Variants in IFT52 observed in about 807,000 individuals in gnomAD.
IFT52 encodes the protein intraflagellar transport protein 52 homolog.
Under a neutral mutation model 54.4 loss-of-function variants are expected in IFT52, and 44 were observed. The observed-to-expected ratio is 0.81, with a 90% confidence interval of 0.63 to 1.04. IFT52 has a LOEUF of 1.04. Ranked by LOEUF, IFT52 falls within the 50% of genes least tolerant of loss-of-function variation. The pLI, the probability that IFT52 is intolerant of heterozygous loss-of-function variation, is 0.00. For synonymous variants in IFT52, 181 were observed against 185.3 expected, an observed-to-expected ratio of 0.98 and a Z score of 0.19; for missense variants, 452 against 523.6, an observed-to-expected ratio of 0.86 and a Z score of 1.33.
rs949383853 is a variant in IFT52 at position 43,620,913 on chromosome 20, T to C, written c.756T>C (p.Ala252=). 4 of 1,612,050 alleles carry C rather than the reference T, an allele frequency of 2.5e-6. No individual in the cohort carries two copies. The highest frequency in any genetic ancestry group is 2.7e-5 in the African/African-American group (2 of 74,976). The change falls in exon 9 of 14, where the codon GCT becomes GCC. Residue 252 remains alanine (A), a synonymous_variant. Coordinates refer to ENST00000373030, the MANE Select transcript of IFT52 (RefSeq NM_016004.5). ...ACATCCACCTAAACCAGATTGATGC[T>C]GAGGACCCAGAGGTAGACACCGAAT... The part of the protein sequence containing the change: ...TGDIHLNQID[A]EDPEISDYMM...
At chr20:43,607,710 C>G (rs896203831) in intron 6 of IFT52, among the ~76,000 whole-genome samples, 1 of 151,516 alleles carries the variant, frequency 6.6e-6, no homozygotes, top group Non-Finnish European at 1.5e-5. Context: ...TGATGGGCGG[C>G]CAGGCAGAGA....
rs561306519 is a variant in IFT52 at position 43,614,477 on chromosome 20, C to T, written c.612+501C>T. Among the ~76,000 whole-genome samples, 18 of 151,930 alleles carry T rather than the reference C, an allele frequency of 1.2e-4. 1 individual carries two copies. The Middle Eastern group carries it at 0.014, about 115-fold the overall frequency. On this transcript the variant is annotated intron_variant, in intron 7 of 13. Transcript: ENST00000373030. ...TCTCGATCTCCTGACCATCCTGCCT[C>T]GTGGTCCACCCGCCTTGGCCTCCCG...
At chr20:43,596,049 G>C (rs949439242) in intron 2 of IFT52, among the ~76,000 whole-genome samples, 2 of 152,176 alleles carry the variant, frequency 1.3e-5, no homozygotes, top group Admixed American at 6.5e-5. Context: ...TTTTGACTCA[G>C]GTCAGTACTA....
chr20:43,611,132 T>C (rs1983412187), intron 6 of IFT52, among the ~76,000 whole-genome samples: 1 of 152,208 alleles, frequency 6.6e-6, no homozygotes, highest in African/African-American at 2.4e-5. Context: ...CTTTGAGGTA[T>C]GGACTAGTCC....
At chr20:43,628,687 C>G (rs1277907573) in intron 10 of IFT52, among the ~76,000 whole-genome samples, 2 of 152,092 alleles carry the variant, frequency 1.3e-5, no homozygotes, top group Non-Finnish European at 2.9e-5. Flanking sequence ...CCTGTCTCTA[C>G]TAAAAACACA....
rs1474874637 is a variant in IFT52 at position 43,594,840 on chromosome 20, T to C, written c.119+23T>C. 4.2e-6 allele frequency: 5 copies of C among 1,190,506 alleles called. No individual in the cohort carries two copies. In the African/African-American group the frequency reaches 7.5e-5, roughly 18 times the overall value. The allele number at this position is 1,190,506 out of a possible 1,614,324, so 73.7% of individuals were successfully genotyped here. ...GAGGTGACTGACCATGTATATTGTT[T>C]TCCCTTCTAAATGATATTGTCCTGC... On this transcript the variant is annotated intron_variant, in intron 2 of 13. Transcript: ENST00000373030.
At chr20:43,636,106 ATTTG>A in intron 11 of IFT52, 93 bp downstream of exon 11, 1 of 1,168,310 alleles carries the variant, frequency 8.6e-7, no homozygotes, top group Non-Finnish European at 1.3e-6. Context: ...TCCATGTGCC[ATTTG>A]TGGCACTCCT....
chr20:43,611,814 G>C (rs1324125935), intron 6 of IFT52, among the ~76,000 whole-genome samples: 5 of 151,966 alleles, frequency 3.3e-5, no homozygotes, highest in African/African-American at 1.2e-4. Flanking sequence ...TGGATCACCT[G>C]AGGTCAGGAG....
At chr20:43,626,779 G>A (rs1244385195) in intron 10 of IFT52, among the ~76,000 whole-genome samples, 2 of 98,888 alleles carry the variant, frequency 2.0e-5, no homozygotes, top group African/African-American at 6.4e-5. Context: ...GTGACTGGAT[G>A]AGCTCACAAA....
At chr20:43,635,765 C>T (rs1466356306) in intron 10 of IFT52, among the ~76,000 whole-genome samples, 161 bp from the exon 11 acceptor site, 1 of 152,142 alleles carries the variant, frequency 6.6e-6, no homozygotes, top group African/African-American at 2.4e-5. Context: ...GATTTATATT[C>T]CTTTGGGTGT....
chr20:43,597,631 C>T (rs891552078), intron 3 of IFT52, among the ~76,000 whole-genome samples: 7 of 152,054 alleles, frequency 4.6e-5, no homozygotes, highest in Admixed American at 2.0e-4. Context: ...TGGTGGCCCA[C>T]GCCTGTAATC....
intron 7 of IFT52, among the ~76,000 whole-genome samples, chr20:43,615,514 A>G (rs1220386758): frequency 6.6e-6 from 1 of 152,022 alleles, no homozygotes; most frequent in African/African-American, 2.4e-5. Context: ...CTTATTTAAA[A>G]GCTCTCGGGC....
rs765342828 is a variant in IFT52, at chr20:43,643,657, G to A, written c.1266+1033G>A. Among the ~76,000 whole-genome samples the A allele has an allele frequency of 3.4e-5, 2 of 58,094 alleles. 1 individual carries two copies. The highest frequency in any genetic ancestry group is 8.2e-5 in the Non-Finnish European group (2 of 24,254). 38.1% of individuals were successfully genotyped at this position (58,094 alleles called of 152,430 possible). A position where few individuals can be genotyped will look rare whatever the true frequency, so the allele number is the denominator to read the frequency against. ...CTTAGCCATGCAGATATCTGGGGGA[G>A]GAGTGTCCCAGGCAGAGGGGAGATG... On this transcript the variant is annotated intron_variant, in intron 13 of 13. Transcript: ENST00000373030.
intron 12 of IFT52, among the ~76,000 whole-genome samples, chr20:43,639,559 A>G (rs1985772825): frequency 6.6e-6 from 1 of 152,226 alleles, no homozygotes; most frequent in Non-Finnish European, 1.5e-5. Context: ...AATCCCAGCT[A>G]CTGGGGAGGC....
intron 10 of IFT52, among the ~76,000 whole-genome samples, chr20:43,627,129 T>C (rs1016549630): frequency 6.7e-6 from 1 of 149,684 alleles, no homozygotes; most frequent in Non-Finnish European, 1.5e-5. Flanking sequence ...AACACACCAC[T>C]GGACTCCAGC....
Position 43,619,910 on chromosome 20 carries a change from CTTTT to C in IFT52, c.699+905_699+908del, listed in dbSNP as rs11482384. 8.1e-3 allele frequency among the ~76,000 whole-genome samples: 667 copies of C among 82,764 alleles called. 3 individuals carry two copies. The highest frequency in any genetic ancestry group is 0.031 in the African/African-American group (625 of 20,486). The allele number at this position is 82,764 out of a possible 152,430, so 54.3% of individuals were successfully genotyped here. A position where few individuals can be genotyped will look rare whatever the true frequency, so the allele number is the denominator to read the frequency against. On this transcript the variant is annotated intron_variant, in intron 8 of 13. Coordinates refer to ENST00000373030, the MANE Select transcript of IFT52 (RefSeq NM_016004.5). ...CATTATGGGAGATCTAGATATTCTA[CTTTT>C]TTTTTTTTTTTTTTTTTTTTGACAT... is the stretch of plus-strand genomic sequence containing the variant.
At chr20:43,592,436 T>C (rs1981604267) in intron 1 of IFT52, among the ~76,000 whole-genome samples, 1 of 151,674 alleles carries the variant, frequency 6.6e-6, no homozygotes, top group Non-Finnish European at 1.5e-5. Flanking sequence ...ATTAGCCGGG[T>C]GTGTTTGGGC....
chr20:43,621,109 A>G, intron 9 of IFT52, 184 bp downstream of exon 9: 1 of 476,568 alleles, frequency 2.1e-6, no homozygotes, highest in East Asian at 3.2e-5. Context: ...CAATATATGT[A>G]ATTAATCATA....
chr20:43,596,715 A>G (rs926655808), intron 3 of IFT52, among the ~76,000 whole-genome samples, 193 bp downstream of exon 3: 1 of 150,154 alleles, frequency 6.7e-6, no homozygotes. Flanking sequence ...AGTGTGGGCC[A>G]ATTAAATATT....
Sources: allele counts gnomAD v4.1 joint callset (sites outside exome capture counted in the v4.1 genomes callset), GRCh38; gene constraint gnomAD v4.1.1; transcripts MANE v1.5; gene names NCBI Gene and HGNC (gene_info 2026-07-23, HGNC 2026-07-21).